FSTL5: variants seen among roughly 807,000 people sequenced by gnomAD.
FSTL5 encodes the protein follistatin like 5.
Under a neutral mutation model 89.1 loss-of-function variants are expected in FSTL5, and 62 were observed. That is an observed-to-expected ratio of 0.70 (90% CI 0.57 to 0.86). The LOEUF (loss-of-function observed/expected upper bound fraction) is 0.86, where lower values mean the gene tolerates loss of function less well. FSTL5 is among the 40% of genes least tolerant of loss of function. The pLI is 0.00. For synonymous variants in FSTL5, 383 were observed against 346.2 expected (o/e 1.11, Z -1.18); for missense variants, 1,057 against 1,001.6 (o/e 1.06, Z -0.75).
intron 15 of FSTL5, among the ~76,000 whole-genome samples, chr4:161,409,347 C>T (rs1198159470): frequency 6.6e-6 from 1 of 151,970 alleles, no homozygotes; most frequent in Non-Finnish European, 1.5e-5. Context: ...AAACTTTTCC[C>T]TGAGAGCAAA....
At chr4:161,488,691 G>A (rs1729763722) in intron 12 of FSTL5, among the ~76,000 whole-genome samples, 1 of 152,058 alleles carries the variant, frequency 6.6e-6, no homozygotes, top group Admixed American at 6.6e-5. Context: ...ATTTGAAAAG[G>A]TGAAGTGATC....
chr4:161,969,679 T>C lies in FSTL5; in HGVS notation c.161-49027A>G, dbSNP rs918793366. Among the ~76,000 whole-genome samples the C allele has an allele frequency of 2.6e-5, 4 of 152,156 alleles. No individual in the cohort carries two copies. The East Asian group carries it at 5.8e-4, about 22-fold the overall frequency. ...AGTTGTATAATCCACACGTATTTCCTGTGCAAATGAGAAAGATCAAACCTG... is the reference window on the plus strand; with the variant it reads ...AGTTGTATAATCCACACGTATTTCCCGTGCAAATGAGAAAGATCAAACCTG... On this transcript the variant is annotated intron_variant, in intron 3 of 15. Coordinates refer to ENST00000306100, the MANE Select transcript of FSTL5 (RefSeq NM_020116.5).
At chr4:161,926,415 T>C (rs865963615) in intron 3 of FSTL5, among the ~76,000 whole-genome samples, 1 of 93,952 alleles carries the variant, frequency 1.1e-5, no homozygotes, top group East Asian at 3.3e-4. Flanking sequence ...TTGTTTTGTT[T>C]TTTGTTTTTT....
At chr4:161,703,367 T>C (rs1004554659) in intron 6 of FSTL5, among the ~76,000 whole-genome samples, 7 of 152,126 alleles carry the variant, frequency 4.6e-5, no homozygotes, top group Non-Finnish European at 8.8e-5. Flanking sequence ...TCTCCTTCTA[T>C]GTTCTTCCTT....
In FSTL5 at chr4:161,594,034, AAATT is replaced by A. The variant is rs1405961180; in HGVS notation, c.895-6463_895-6460del. On this transcript the variant is annotated intron_variant, in intron 7 of 15. Transcript: ENST00000306100. Reference sequence around the variant, plus strand: ...TGGGGGGAAAGCCAAACTTTTGTAGAAATTAATTGAGAAAGATTAGAGTTAAGAG... The same window carrying A: ...TGGGGGGAAAGCCAAACTTTTGTAGAAATTGAGAAAGATTAGAGTTAAGAG... 3.9e-5 allele frequency among the ~76,000 whole-genome samples: 6 copies of A among 152,184 alleles called. No homozygotes were observed. In the East Asian group the frequency reaches 1.2e-3, roughly 29 times the overall value.
At chr4:161,624,123 G>A (rs4691014) in intron 7 of FSTL5, among the ~76,000 whole-genome samples, 102,692 of 151,780 alleles carry the variant, frequency 0.68, 35,165 homozygotes, top group African/African-American at 0.77. Flanking sequence ...TTACATTTGA[G>A]GCAATTAGTA....
chr4:161,707,646 C>T (rs1178526207), intron 6 of FSTL5, among the ~76,000 whole-genome samples: 5 of 151,768 alleles, frequency 3.3e-5, no homozygotes, highest in Non-Finnish European at 7.4e-5. Context: ...TATTATTCTG[C>T]CAAATGTATT....
rs534066515 is a variant in FSTL5, at chr4:162,105,244, A to C, written c.126+6027T>G. On this transcript the variant is annotated intron_variant, in intron 2 of 15. Transcript: ENST00000306100. ...TGCTTGTGTGGTGAGAACACTTAAG[A>C]TCTACCCTACTAACCAATTTTGAGT... is the stretch of plus-strand genomic sequence containing the variant. 7.9e-4 allele frequency among the ~76,000 whole-genome samples: 120 copies of C among 152,292 alleles called. 1 individual carries two copies. Among genetic ancestry groups the C allele is most frequent in the African/African-American group, 2.9e-3 (119 of 41,564 alleles).
intron 7 of FSTL5, among the ~76,000 whole-genome samples, chr4:161,625,877 C>A (rs891621828): frequency 6.6e-6 from 1 of 152,050 alleles, no homozygotes; most frequent in African/African-American, 2.4e-5. Flanking sequence ...TTTGAGTGGT[C>A]TGGATAGAAG....
At chr4:161,486,123 G>A (rs1457363384) in intron 12 of FSTL5, among the ~76,000 whole-genome samples, 3 of 129,776 alleles carry the variant, frequency 2.3e-5, no homozygotes, top group Non-Finnish European at 4.7e-5. Context: ...CAGCCTTGGC[G>A]ACAGAGTAAG....
rs1205142978 is a variant in FSTL5, at chr4:161,921,873, A to G, written c.161-1221T>C. Among the ~76,000 whole-genome samples the G allele has an allele frequency of 4.6e-5, 7 of 152,078 alleles. No homozygotes were observed. In the South Asian group the frequency reaches 1.4e-3, roughly 31 times the overall value. On this transcript the variant is annotated intron_variant, in intron 3 of 15. Coordinates refer to ENST00000306100, the MANE Select transcript of FSTL5 (RefSeq NM_020116.5). ...GTTTTATCAAGATTAAAGGGTTGCA[A>G]TTGGCACATATAAAACTCCTTGTGT... is the stretch of plus-strand genomic sequence containing the variant.
chr4:161,432,287 A>T (rs1732404614), intron 15 of FSTL5, among the ~76,000 whole-genome samples: 1 of 152,170 alleles, frequency 6.6e-6, no homozygotes, highest in South Asian at 2.1e-4. Context: ...AAAATTCAAA[A>T]TCAGTAACAA....
intron 2 of FSTL5, among the ~76,000 whole-genome samples, chr4:162,086,990 ATTTTG>A (rs573197990): frequency 7.4e-4 from 113 of 152,062 alleles, no homozygotes; most frequent in Non-Finnish European, 1.3e-3. Flanking sequence ...GATGATAAAC[ATTTTG>A]TTTTATTTAT....
intron 3 of FSTL5, among the ~76,000 whole-genome samples, chr4:161,989,790 C>T (rs1736061850): frequency 6.6e-6 from 1 of 152,018 alleles, no homozygotes; most frequent in South Asian, 2.1e-4. Context: ...TCTTTAGTAA[C>T]CTTATTGTAG....
At chr4:161,532,696 GA>G (rs1203988766) in intron 10 of FSTL5, among the ~76,000 whole-genome samples, 30 of 152,066 alleles carry the variant, frequency 2.0e-4, no homozygotes, top group Non-Finnish European at 4.3e-4. Flanking sequence ...AGCAGAAACT[GA>G]AAAAGAAATT....
intron 6 of FSTL5, among the ~76,000 whole-genome samples, chr4:161,722,535 A>G (rs1275810141): frequency 1.3e-5 from 2 of 152,106 alleles, no homozygotes; most frequent in Admixed American, 1.3e-4. Context: ...GATTTACCCT[A>G]CCTGTGAGTT....
intron 7 of FSTL5, among the ~76,000 whole-genome samples, chr4:161,623,234 A>G (rs1244638992): frequency 1.3e-5 from 2 of 152,160 alleles, no homozygotes; most frequent in East Asian, 1.9e-4. Context: ...TTCCATTAAC[A>G]TAACTTTCAT....
intron 6 of FSTL5, among the ~76,000 whole-genome samples, chr4:161,666,953 T>C (rs541774236): frequency 6.6e-6 from 1 of 152,176 alleles, no homozygotes; most frequent in Non-Finnish European, 1.5e-5. Context: ...AGTCTTTCTG[T>C]AAAACAACGC....
At chr4:161,722,560 A>C (rs1243393320) in intron 6 of FSTL5, among the ~76,000 whole-genome samples, 1 of 152,098 alleles carries the variant, frequency 6.6e-6, no homozygotes, top group Non-Finnish European at 1.5e-5. Flanking sequence ...GCACCTTTGA[A>C]TATTCTGATG....
Sources: allele counts gnomAD v4.1 joint callset (sites outside exome capture counted in the v4.1 genomes callset), GRCh38; gene constraint gnomAD v4.1.1; transcripts MANE v1.5; gene names NCBI Gene and HGNC (gene_info 2026-07-23, HGNC 2026-07-21).